The following YAF2 variants were observed in gnomAD, a reference collection of about 807,000 sequenced individuals.
YAF2 encodes the protein YY1-associated factor 2.
In YAF2, 7 loss-of-function variants were observed where a neutral mutation model predicts 20.1. That is an observed-to-expected ratio of 0.35 (90% CI 0.20 to 0.65). The LOEUF (loss-of-function observed/expected upper bound fraction) is 0.65, where lower values mean the gene tolerates loss of function less well. Ranked by LOEUF, YAF2 falls within the 30% of genes least tolerant of loss-of-function variation. The pLI, the probability that YAF2 is intolerant of heterozygous loss-of-function variation, is 0.69. For missense variants in YAF2, 151 were observed against 219.2 expected, an observed-to-expected ratio of 0.69 and a Z score of 1.96; for synonymous variants, 74 against 76.0, an observed-to-expected ratio of 0.97 and a Z score of 0.14.
chr12:42,175,772 T>TAAAAAAAAAAAAAAAAAAAAAAAAA (rs1277338221), intron 2 of YAF2, among the ~76,000 whole-genome samples: 64 of 88,846 alleles, frequency 7.2e-4, no homozygotes, highest in South Asian at 1.4e-3. Flanking sequence ...AAAAAAAAAT[T>TAAAAAAAAAAAAAAAAAAAAAAAAA]AAAACAGGAA....
In YAF2 at chr12:42,237,567, C is replaced by T. The variant is rs753635384; in HGVS notation, c.152+32G>A. 1.3e-5 allele frequency: 19 copies of T among 1,490,412 alleles called. 1 individual carries two copies. The highest frequency in any genetic ancestry group is 2.7e-6 in the Non-Finnish European group (3 of 1,118,842). 92.3% of individuals were successfully genotyped at this position (1,490,412 alleles called of 1,614,324 possible). A position where few individuals can be genotyped will look rare whatever the true frequency, so the allele number is the denominator to read the frequency against. ...CGTCCTCTGGTCGCCACCCCGCCGG[C>T]CGGCGGCGCGAGGGGCAGGCCCGGG... On this transcript the variant is annotated intron_variant, in intron 2 of 3. Coordinates refer to ENST00000534854, the MANE Select transcript of YAF2 (RefSeq NM_005748.6).
At chr12:42,186,317 G>T (rs968076086) in intron 2 of YAF2, among the ~76,000 whole-genome samples, 4 of 151,872 alleles carry the variant, frequency 2.6e-5, no homozygotes, top group African/African-American at 9.7e-5. Flanking sequence ...TGGTGTCACG[G>T]CACTCCAGCC....
chr12:42,235,883 T>G, intron 2 of YAF2: 1 of 1,536,142 alleles, frequency 6.5e-7, no homozygotes, highest in Non-Finnish European at 8.7e-7. Context: ...GTGCCAGGTA[T>G]TCAGCCTGTT....
chr12:42,169,389 C>T (rs1054061664), intron 2 of YAF2, among the ~76,000 whole-genome samples: 1 of 152,032 alleles, frequency 6.6e-6, no homozygotes, highest in Admixed American at 6.6e-5. Flanking sequence ...TTACTTCATG[C>T]TGTTCTTAAT....
chr12:42,209,084 C>T (rs1327836706), intron 2 of YAF2, among the ~76,000 whole-genome samples: 3 of 152,076 alleles, frequency 2.0e-5, no homozygotes, highest in Non-Finnish European at 4.4e-5. Flanking sequence ...TTATTTGGTA[C>T]CTGAGGAAAT....
At chr12:42,238,041 G>T in intron 1 of YAF2, 114 bp downstream of exon 1, 1 of 887,920 alleles carries the variant, frequency 1.1e-6, no homozygotes, top group Non-Finnish European at 1.5e-6. Context: ...CACCAGCGGC[G>T]CTGCCCCCGT....
intron 2 of YAF2, among the ~76,000 whole-genome samples, chr12:42,172,726 C>T (rs1037372686): frequency 3.3e-5 from 5 of 152,114 alleles, no homozygotes; most frequent in Non-Finnish European, 5.9e-5. Context: ...AGCCCCAAAG[C>T]GGAAGCAACC....
chr12:42,169,868 TCTCTC>T (rs1193984705), intron 2 of YAF2, among the ~76,000 whole-genome samples: 1 of 150,922 alleles, frequency 6.6e-6, no homozygotes, highest in Non-Finnish European at 1.5e-5. Flanking sequence ...CTTTTCTCTC[TCTCTC>T]CTTTCTTTTT....
chr12:42,210,667 C>G (rs1454358715), intron 2 of YAF2: 1 of 1,535,096 alleles, frequency 6.5e-7, no homozygotes, highest in African/African-American at 1.4e-5. Context: ...GTAAGTGATC[C>G]AGCTTTTTCT....
At chr12:42,178,649 C>A (rs1411183601) in intron 2 of YAF2, among the ~76,000 whole-genome samples, 1 of 151,992 alleles carries the variant, frequency 6.6e-6, no homozygotes, top group Non-Finnish European at 1.5e-5. Context: ...AATCTTCTGT[C>A]CAATGTGTCA....
intron 2 of YAF2, among the ~76,000 whole-genome samples, chr12:42,227,956 T>C (rs375863376): frequency 4.7e-5 from 6 of 126,746 alleles, no homozygotes; most frequent in Admixed American, 1.5e-4. Context: ...CCAGCCACCC[T>C]GTCCGGGAGG....
chr12:42,213,253 G>C (rs750918784), intron 2 of YAF2, among the ~76,000 whole-genome samples: 2 of 152,238 alleles, frequency 1.3e-5, no homozygotes, highest in Non-Finnish European at 2.9e-5. Flanking sequence ...CCTGACAATA[G>C]ACATGTGAGT....
At chr12:42,232,352 A>G (rs1274997116) in intron 2 of YAF2, 10 of 826,802 alleles carry the variant, frequency 1.2e-5, no homozygotes, top group Non-Finnish European at 1.5e-5. Context: ...ACCTCATAGA[A>G]AGCTTCAACT....
chr12:42,210,724 T>G (rs935700453), intron 2 of YAF2: 16 of 1,503,252 alleles, frequency 1.1e-5, no homozygotes, highest in African/African-American at 4.2e-5. Flanking sequence ...GAGATTATTA[T>G]CACACGTAGA....
chr12:42,224,032 T>C (rs1173893158), intron 2 of YAF2, among the ~76,000 whole-genome samples: 1 of 152,080 alleles, frequency 6.6e-6, no homozygotes, highest in African/African-American at 2.4e-5. Flanking sequence ...TCCCAGAAGT[T>C]AAAGTAAAAT....
At chr12:42,233,774 A>G (rs934580963) in intron 2 of YAF2, 55 of 984,916 alleles carry the variant, frequency 5.6e-5, no homozygotes, top group Admixed American at 6.1e-5. Flanking sequence ...CAGCCTCCCA[A>G]GGTGCTGGGC....
At chr12:42,194,382 G>A (rs1275167353) in intron 2 of YAF2, among the ~76,000 whole-genome samples, 1 of 152,138 alleles carries the variant, frequency 6.6e-6, no homozygotes, top group Non-Finnish European at 1.5e-5. Flanking sequence ...GATGGCTCAC[G>A]CCTGTAATCC....
chr12:42,221,021 T>C (rs1050175228), intron 2 of YAF2, among the ~76,000 whole-genome samples: 5 of 152,194 alleles, frequency 3.3e-5, no homozygotes, highest in Admixed American at 6.6e-5. Flanking sequence ...ATGAAGTTTG[T>C]TAACATTTGT....
intron 2 of YAF2, among the ~76,000 whole-genome samples, chr12:42,163,141 G>A (rs1443403491): frequency 1.3e-5 from 2 of 152,040 alleles, no homozygotes; most frequent in Non-Finnish European, 2.9e-5. Flanking sequence ...TCCAAGTTAT[G>A]CTGATGTCTC....
Sources: allele counts gnomAD v4.1 joint callset (sites outside exome capture counted in the v4.1 genomes callset), GRCh38; gene constraint gnomAD v4.1.1; transcripts MANE v1.5; gene names NCBI Gene and HGNC (gene_info 2026-07-23, HGNC 2026-07-21).